ACTA2: variants seen among roughly 807,000 people sequenced by gnomAD.
The protein encoded by ACTA2 is actin, aortic smooth muscle.
Under a neutral mutation model 39.5 loss-of-function variants are expected in ACTA2, and 12 were observed. That is an observed-to-expected ratio of 0.30 (90% confidence interval 0.19 to 0.49). The LOEUF (loss-of-function observed/expected upper bound fraction) is 0.49. Ranked by LOEUF, ACTA2 falls within the 20% of genes least tolerant of loss-of-function variation. ACTA2 has a pLI of 0.99. For synonymous variants in ACTA2, 158 were observed against 180.6 expected (o/e 0.88, Z 1.00); for missense variants, 236 against 498.8 (o/e 0.47, Z 5.02).
At chr10:88,983,863 G>A (rs375521326) in intron 1 of ACTA2, among the ~76,000 whole-genome samples, 118 of 152,292 alleles carry the variant, frequency 7.7e-4, no homozygotes, top group African/African-American at 2.5e-3. Context: ...GCCAGGTGGA[G>A]GAATGCCTGC....
intron 6 of ACTA2, chr10:88,940,638 G>A (rs892709898): frequency 5.9e-6 from 1 of 170,220 alleles, no homozygotes; most frequent in African/African-American, 2.4e-5. Flanking sequence ...GGGAGGACTG[G>A]GTGCACCGGC....
chr10:88,961,814 A>G (rs1028357035), intron 1 of ACTA2, among the ~76,000 whole-genome samples: 3 of 152,162 alleles, frequency 2.0e-5, no homozygotes, highest in Admixed American at 6.6e-5. Context: ...CTAGGTTTCA[A>G]TGAAAAGGTA....
intron 2 of ACTA2, chr10:88,948,531 TTGA>T (rs931075184): frequency 2.7e-4 from 114 of 419,868 alleles, no homozygotes; most frequent in East Asian, 7.0e-4. Flanking sequence ...ATGAAATGAT[TTGA>T]TGATGATGAT....
upstream of ACTA2, among the ~76,000 whole-genome samples, chr10:88,956,895 G>A (rs9943308): frequency 0.063 from 9,563 of 152,228 alleles, 908 homozygotes; most frequent in African/African-American, 0.21. Flanking sequence ...CCTTCTTGAT[G>A]TGCCATCCCA....
chr10:88,975,079 T>G lies in ACTA2; in HGVS notation c.-24+15860A>C, dbSNP rs117763291. 2.1e-4 allele frequency: 32 copies of G among 152,296 alleles called. 1 individual carries two copies. The East Asian group carries it at 5.6e-3, about 27-fold the overall frequency. 9.4% of individuals were successfully genotyped at this position (152,296 alleles called of 1,614,324 possible). A position where few individuals can be genotyped will look rare whatever the true frequency, so the allele number is the denominator to read the frequency against. On this transcript the variant is annotated intron_variant, in intron 1 of 4. Coordinates refer to the ACTA2 transcript ENST00000415557. The stretch of plus-strand genomic sequence containing the variant: ...AGTTCGTGCTCCATGCATTTAACTG[T>G]TATTACAGGTTGTATTAGTATCACA...
chr10:88,938,583 C>A, intron 7 of ACTA2: 1 of 323,756 alleles, frequency 3.1e-6, no homozygotes, highest in Non-Finnish European at 6.0e-6. Flanking sequence ...AATGTTGCAA[C>A]AACTCTTCAG....
rs538044856 is a variant in ACTA2, at chr10:88,986,365, G to A, written c.-24+4574C>T. On this transcript the variant is annotated intron_variant, in intron 1 of 4. Coordinates refer to the ACTA2 transcript ENST00000415557. ...GGGGAGGGGTACTCAATTGGATTAA[G>A]AAGCCAGGGCCCACAGAACAGATGT... 2.0e-5 allele frequency among the ~76,000 whole-genome samples: 3 copies of A among 152,338 alleles called. No individual in the cohort carries two copies. The South Asian group carries it at 6.2e-4, about 32-fold the overall frequency.
At chr10:88,941,733 C>G in intron 5 of ACTA2, 52 bp downstream of exon 5, 2 of 1,513,168 alleles carry the variant, frequency 1.3e-6, no homozygotes, top group Admixed American at 3.6e-5. Context: ...CCATTCAATC[C>G]CATCTCTGGC....
intron 8 of ACTA2, 59 bp downstream of exon 8, chr10:88,938,000 CTG>C: frequency 6.3e-7 from 1 of 1,592,474 alleles, no homozygotes; most frequent in Non-Finnish European, 8.6e-7. Context: ...GAGTTCTTAT[CTG>C]TGGTTATAGG....
At chr10:88,968,868 G>A (rs907751538) in intron 1 of ACTA2, among the ~76,000 whole-genome samples, 1 of 152,064 alleles carries the variant, frequency 6.6e-6, no homozygotes, top group Non-Finnish European at 1.5e-5. Flanking sequence ...CCTTCTTCTT[G>A]GAAAGTAGAT....
In ACTA2 at chr10:88,990,605, T is replaced by C; in HGVS notation, c.-24+334A>G. 1.5e-6 allele frequency: 1 copy of C among 681,880 alleles called. No individual in the cohort carries two copies. Among genetic ancestry groups the C allele is most frequent in the Non-Finnish European group, 2.7e-6 (1 of 373,276 alleles). The allele number at this position is 681,880 out of a possible 1,614,324, so 42.2% of individuals were successfully genotyped here. On this transcript the variant is annotated intron_variant, in intron 1 of 4. Coordinates refer to the ACTA2 transcript ENST00000415557. This position sits in a 1 kb window ranked among gnomAD's most constrained non-coding sequence, Gnocchi z 4.9. ...CCGGGCGTTCCCCAGCGAGGCTTCC[T>C]TCCCATCCTCCTGACCACCGGGGCT...
At chr10:88,941,517 C>T in intron 5 of ACTA2, 127 bp from the exon 6 acceptor site, 3 of 1,241,458 alleles carry the variant, frequency 2.4e-6, no homozygotes, top group Non-Finnish European at 3.5e-6. Flanking sequence ...GAAAACAGGG[C>T]ATGTGATAGG....
chr10:88,962,482 G>GCAT (rs1846241206), intron 1 of ACTA2, among the ~76,000 whole-genome samples: 1 of 152,102 alleles, frequency 6.6e-6, no homozygotes, highest in African/African-American at 2.4e-5. Context: ...TTTCAGACAG[G>GCAT]CATCTGCCTG....
At chr10:88,967,028 T>C (rs1357394582) in intron 1 of ACTA2, among the ~76,000 whole-genome samples, 2 of 152,206 alleles carry the variant, frequency 1.3e-5, no homozygotes, top group African/African-American at 4.8e-5. Context: ...TGGGAGTTTA[T>C]ACAACACTTA....
At chr10:88,939,180 C>T (rs1845801915) in intron 7 of ACTA2, among the ~76,000 whole-genome samples, 1 of 152,140 alleles carries the variant, frequency 6.6e-6, no homozygotes, top group Admixed American at 6.5e-5. Context: ...TTTCTCTCCC[C>T]CAGCATTCCC....
At chr10:88,982,660 G>GT (rs907622782) in intron 1 of ACTA2, among the ~76,000 whole-genome samples, 7 of 151,428 alleles carry the variant, frequency 4.6e-5, no homozygotes, top group Non-Finnish European at 7.4e-5. Flanking sequence ...AATGAACTAA[G>GT]TTTTTTTTTC....
chr10:88,982,998 A>G (rs1846747792), intron 1 of ACTA2, among the ~76,000 whole-genome samples: 1 of 152,190 alleles, frequency 6.6e-6, no homozygotes. Flanking sequence ...TGGCATCAAC[A>G]TCACATGGGA....
In ACTA2 at chr10:88,990,364, A is replaced by G. The variant is rs1564668964; in HGVS notation, c.-24+575T>C. On this transcript the variant is annotated intron_variant, in intron 1 of 4. Transcript: ENST00000415557. This position sits in a 1 kb window ranked among gnomAD's most constrained non-coding sequence, Gnocchi z 4.9. The stretch of plus-strand genomic sequence containing the variant: ...TCCATTCTCCTTCAAGACCTCCCCA[A>G]CTTCCCAGGTTGAACTACAGCAGAA... Among the ~76,000 whole-genome samples, 1 of 152,016 alleles carries G rather than the reference A, an allele frequency of 6.6e-6. No homozygotes were observed. The highest frequency in any genetic ancestry group is 1.5e-5 in the Non-Finnish European group (1 of 67,992).
chr10:88,981,740 G>T (rs938969398), intron 1 of ACTA2, among the ~76,000 whole-genome samples: 2 of 152,180 alleles, frequency 1.3e-5, no homozygotes, highest in Non-Finnish European at 2.9e-5. Context: ...AAGTAATTTA[G>T]TCCCAGTCCC....
Sources: gnomAD v4.1 joint callset for allele counts (sites outside exome capture counted in the v4.1 genomes callset) on GRCh38, gnomAD v4.1.1 for gene constraint, Gnocchi (gnomAD v3.1) non-coding constraint, MANE v1.5 for transcripts, NCBI Gene and HGNC (gene_info 2026-07-23, HGNC 2026-07-21) for gene names.